Variants in SCML1 observed in about 807,000 individuals in gnomAD.
SCML1 encodes the protein sex comb on midleg-like protein 1.
For missense variants in SCML1, 137 were observed against 258.1 expected, an observed-to-expected ratio of 0.53 and a Z score of 3.22; for synonymous variants, 104 against 103.6, an observed-to-expected ratio of 1.00 and a Z score of -0.02.
intron 7 of SCML1, among the ~76,000 whole-genome samples, chrX:17,752,478 A>G (rs2066720647): frequency 8.9e-6 from 1 of 112,571 alleles, no homozygotes; most frequent in African/African-American, 3.2e-5. Flanking sequence ...AGTTTCTTTA[A>G]TTTTGAGTTT....
Position 17,750,103 on chromosome X carries a change from G to A in SCML1, c.513G>A (p.Glu171=). Residue 171 remains glutamate (E), a synonymous_variant, in exon 6 of 8, where the codon GAG becomes GAA. Transcript: ENST00000380041. ...AATACCAGCGAGCTGAGCTGGAGGA[G>A]GACCCGATCCTCAGCCGCACTCCGA... is the stretch of plus-strand genomic sequence containing the variant. ...MEEYQRAELE[E]DPILSRTPSP... The A allele has an allele frequency of 1.7e-6, 2 of 1,211,845 alleles. No homozygotes were observed. Among genetic ancestry groups the A allele is most frequent in the Non-Finnish European group, 2.2e-6 (2 of 895,412 alleles).
At chrX:17,746,163 A>C in intron 4 of SCML1, 65 bp downstream of exon 4, 84 of 607,178 alleles carry the variant, frequency 1.4e-4, no homozygotes, top group Non-Finnish European at 1.9e-4. Context: ...TCTTTATCTC[A>C]CATAAAGGGA....
At chrX:17,742,250 A>G (rs2066602493) in intron 1 of SCML1, among the ~76,000 whole-genome samples, 2 of 112,021 alleles carry the variant, frequency 1.8e-5, no homozygotes, top group African/African-American at 6.5e-5. Flanking sequence ...TTTGATACCA[A>G]GTGTTAATAA....
At chrX:17,739,677 A>G (rs2066574469) in intron 1 of SCML1, among the ~76,000 whole-genome samples, 1 of 109,138 alleles carries the variant, frequency 9.2e-6, no homozygotes, top group East Asian at 2.9e-4. Flanking sequence ...GGTGAAACCC[A>G]GTCTTTACTA....
In SCML1 at chrX:17,751,851, A is replaced by C; in HGVS notation, c.740A>C (p.Glu247Ala). ...CCAGTTGAAAATGACGGTTACATAGAGGAAGGAAGCATCACTAAGCACCCT... is the reference window on the plus strand; with the variant it reads ...CCAGTTGAAAATGACGGTTACATAGCGGAAGGAAGCATCACTAAGCACCCT... ...RSPVENDGYI[E>A]EGSITKHPST... is the part of the protein sequence containing the mutation. The change falls in exon 7 of 8, where the codon GAG becomes GCG. Residue 247 changes from glutamate to alanine, a missense_variant. Glu to Ala is a moderately radical substitution (Grantham distance 107). Coordinates refer to ENST00000380041, the MANE Select transcript of SCML1 (RefSeq NM_001037540.3). 1.7e-6 allele frequency: 2 copies of C among 1,210,901 alleles called. No homozygotes were observed. The highest frequency in any genetic ancestry group is 2.2e-6 in the Non-Finnish European group (2 of 894,777).
chrX:17,737,795 G>A (rs1293964472), intron 1 of SCML1, 115 bp downstream of exon 1: 1 of 111,945 alleles, frequency 8.9e-6, no homozygotes, highest in Non-Finnish European at 1.9e-5. Flanking sequence ...GGGGAAGAGC[G>A]AGTCTTGACT....
chrX:17,745,620 G>T, intron 3 of SCML1, 81 bp downstream of exon 3: 1 of 527,215 alleles, frequency 1.9e-6, no homozygotes, highest in Non-Finnish European at 3.1e-6. Context: ...ATACTATGGA[G>T]TTCCCGTAAA....
chrX:17,745,846 T>C (rs2066637821), intron 3 of SCML1, 172 bp from the exon 4 acceptor site: 1 of 335,716 alleles, frequency 3.0e-6, no homozygotes. Context: ...TTCATTCTCA[T>C]ATTAATGTGA....
intron 5 of SCML1, 115 bp downstream of exon 5, chrX:17,749,619 T>G (rs1569330220): frequency 1.9e-6 from 1 of 520,588 alleles, no homozygotes; most frequent in Non-Finnish European, 3.1e-6. Context: ...AAGGCATGTC[T>G]ATACTTGTAA....
intron 1 of SCML1, among the ~76,000 whole-genome samples, chrX:17,738,474 G>A (rs772851419): frequency 3.6e-5 from 4 of 112,607 alleles, no homozygotes; most frequent in Admixed American, 1.9e-4. Context: ...TGCCCTTTTG[G>A]GCCTCACTTG....
At chrX:17,742,640 T>C (rs190278035) in intron 1 of SCML1, among the ~76,000 whole-genome samples, 10 of 112,374 alleles carry the variant, frequency 8.9e-5, no homozygotes, top group Admixed American at 7.5e-4. Context: ...TGGAGACCTA[T>C]CCATTGTTTC....
intron 1 of SCML1, among the ~76,000 whole-genome samples, chrX:17,738,351 C>G (rs909037152): frequency 6.3e-5 from 7 of 111,978 alleles, no homozygotes; most frequent in Admixed American, 1.9e-4. Flanking sequence ...GTCCCTCCCT[C>G]CTCTCCCCGG....
intron 6 of SCML1, among the ~76,000 whole-genome samples, chrX:17,751,159 T>C (rs1213585978): frequency 2.7e-5 from 3 of 112,393 alleles, no homozygotes; most frequent in Admixed American, 1.9e-4. Context: ...CAGAAAATAA[T>C]CTTGTTTTCT....
rs1355450233 is a variant in SCML1 at position 17,745,207 on chromosome X, T to G, written c.34-249T>G. On this transcript the variant is annotated intron_variant, in intron 2 of 7. Coordinates refer to ENST00000380041, the MANE Select transcript of SCML1 (RefSeq NM_001037540.3). Reference sequence around the variant, plus strand: ...ATTTCTGGTGCTAAAGGACTAGTCTTTCTACCATGAAGCATATAAAGGGTT... The same window carrying G: ...ATTTCTGGTGCTAAAGGACTAGTCTGTCTACCATGAAGCATATAAAGGGTT... 7.2e-5 allele frequency: 18 copies of G among 251,698 alleles called. No individual in the cohort carries two copies. The East Asian group carries it at 1.2e-3, about 17-fold the overall frequency. The allele number at this position is 251,698 out of a possible 1,213,427, so 20.7% of individuals were successfully genotyped here.
Position 17,744,131 on chromosome X carries a change from T to G in SCML1, c.-56T>G. On this transcript the variant is annotated 5_prime_UTR_variant, in exon 2 of 8. Transcript: ENST00000380041. ...TATCACAAATAAACCCTCCAGCAAG[T>G]TTAAAAATAATTAGGTCCAACTCAG... 9.3e-7 allele frequency: 1 copy of G among 1,078,272 alleles called. No homozygotes were observed. The highest frequency in any genetic ancestry group is 1.8e-5 in the African/African-American group (1 of 55,129). 88.9% of individuals were successfully genotyped at this position (1,078,272 alleles called of 1,213,427 possible).
chrX:17,745,248 T>C (rs1200513006), intron 2 of SCML1: 1 of 338,714 alleles, frequency 3.0e-6, no homozygotes, highest in Non-Finnish European at 5.1e-6. Context: ...CAGTGAAAAC[T>C]GTTGTCTTAA....
intron 6 of SCML1, 39 bp from the exon 7 acceptor site, chrX:17,751,776 T>C (rs983502281): frequency 4.2e-6 from 5 of 1,185,195 alleles, no homozygotes; most frequent in Admixed American, 2.2e-5. Context: ...AGGTCGAGTG[T>C]GATTTGTCTT....
chrX:17,738,494 C>T (rs1370289173), intron 1 of SCML1, among the ~76,000 whole-genome samples: 1 of 112,481 alleles, frequency 8.9e-6, no homozygotes, highest in African/African-American at 3.2e-5. Flanking sequence ...GTCCGGCCTG[C>T]GGCAAGTGCT....
intron 1 of SCML1, among the ~76,000 whole-genome samples, chrX:17,740,850 A>G (rs1016635971): frequency 8.9e-6 from 1 of 112,385 alleles, no homozygotes; most frequent in Non-Finnish European, 1.9e-5. Context: ...CAGGAGCGAG[A>G]AGCTCAAAGA....
Sources: allele counts gnomAD v4.1 joint callset (sites outside exome capture counted in the v4.1 genomes callset), GRCh38; gene constraint gnomAD v4.1.1; transcripts MANE v1.5; gene names NCBI Gene and HGNC (gene_info 2026-07-23, HGNC 2026-07-21).